CRACR2A: variants seen among roughly 807,000 people sequenced by gnomAD.
CRACR2A encodes the protein calcium release activated channel regulator 2A, also known as EF-hand calcium-binding domain-containing protein 4B.
In CRACR2A, 79 loss-of-function variants were observed where a neutral mutation model predicts 90.5. That is an observed-to-expected ratio of 0.87 (90% CI 0.73 to 1.05). The LOEUF (loss-of-function observed/expected upper bound fraction) is 1.05. Among genes scored for constraint, CRACR2A ranks in the 50% least tolerant of loss-of-function variants. The pLI, the probability that CRACR2A is intolerant of heterozygous loss-of-function variation, is 0.00. For synonymous variants in CRACR2A, 338 were observed against 356.7 expected (o/e 0.95, Z 0.59); for missense variants, 823 against 897.2 (o/e 0.92, Z 1.06).
chr12:3,694,125 C>T lies in CRACR2A; in HGVS notation c.228+2647G>A, dbSNP rs150817269. Among the ~76,000 whole-genome samples the T allele has an allele frequency of 5.3e-3, 813 of 152,312 alleles. 6 individuals carry two copies. Among genetic ancestry groups the T allele is most frequent in the Non-Finnish European group, 8.3e-3 (568 of 68,026 alleles). On this transcript the variant is annotated intron_variant, in intron 4 of 19. Transcript: ENST00000440314. ...CCTTTCAGCCCAGATTCTGTGTCTT[C>T]CCTCCAACCACTCTCAGTGTCTTCC...
chr12:3,679,074 T>C lies in CRACR2A; in HGVS notation c.365A>G (p.Asn122Ser). 6.2e-7 allele frequency: 1 copy of C among 1,613,016 alleles called. No homozygotes were observed. Among genetic ancestry groups the C allele is most frequent in the Non-Finnish European group, 8.5e-7 (1 of 1,179,568 alleles). ...GFSHFFFSQN[N>S]PSQEDAGEQV... ...TTCACCTGCATCTTCCTGACTTGGGTTATTCTGGCTGAAGAAGAAGTGACC... is the reference window on the plus strand; with the variant it reads ...TTCACCTGCATCTTCCTGACTTGGGCTATTCTGGCTGAAGAAGAAGTGACC... The change falls in exon 6 of 20, where the codon AAC (asparagine) becomes AGC (serine). Residue 122 changes from asparagine to serine, a missense_variant. Coordinates refer to ENST00000440314, the MANE Select transcript of CRACR2A (RefSeq NM_001144958.2).
At chr12:3,688,981 T>C (rs1261815387) in intron 4 of CRACR2A, among the ~76,000 whole-genome samples, 1 of 152,204 alleles carries the variant, frequency 6.6e-6, no homozygotes, top group African/African-American at 2.4e-5. Context: ...TGGGAATATC[T>C]TCCTGATTTG....
intron 17 of CRACR2A, among the ~76,000 whole-genome samples, chr12:3,625,974 C>G (rs138049814): frequency 5.1e-4 from 77 of 152,348 alleles, no homozygotes; most frequent in African/African-American, 1.6e-3. Flanking sequence ...AAAGGAATTA[C>G]TGCTGGATTC....
intron 3 of CRACR2A, among the ~76,000 whole-genome samples, chr12:3,708,187 G>A (rs1243007705): frequency 6.6e-6 from 1 of 152,182 alleles, no homozygotes; most frequent in African/African-American, 2.4e-5. Flanking sequence ...AGAAGTGCCT[G>A]GAAGTTTCCC....
chr12:3,631,374 G>A (rs961338689), intron 15 of CRACR2A, among the ~76,000 whole-genome samples: 2 of 152,148 alleles, frequency 1.3e-5, no homozygotes, highest in African/African-American at 4.8e-5. Flanking sequence ...GGAGAGGCAG[G>A]CCACATGCAC....
chr12:3,655,752 G>A (rs1437377297), intron 9 of CRACR2A, among the ~76,000 whole-genome samples: 1 of 152,324 alleles, frequency 6.6e-6, no homozygotes, highest in East Asian at 1.9e-4. Context: ...GGAGGCTCGG[G>A]TACATCAGAG....
At chr12:3,637,014 G>A (rs1221701249) in intron 14 of CRACR2A, among the ~76,000 whole-genome samples, 1 of 152,218 alleles carries the variant, frequency 6.6e-6, no homozygotes, top group Non-Finnish European at 1.5e-5. Context: ...GCAGGATGAG[G>A]GCTCGAGGGG....
At chr12:3,643,071 G>A (rs1944603164) in intron 12 of CRACR2A, among the ~76,000 whole-genome samples, 1 of 152,178 alleles carries the variant, frequency 6.6e-6, no homozygotes, top group Non-Finnish European at 1.5e-5. Flanking sequence ...GAAGGGATTC[G>A]GGTGACATTT....
intron 14 of CRACR2A, among the ~76,000 whole-genome samples, chr12:3,635,860 T>C (rs1944445374): frequency 6.6e-6 from 1 of 152,232 alleles, no homozygotes; most frequent in Admixed American, 6.5e-5. Flanking sequence ...TACCAATTCA[T>C]ATCTTGATGC....
intron 14 of CRACR2A, among the ~76,000 whole-genome samples, chr12:3,634,366 G>A (rs1456639401): frequency 1.3e-5 from 2 of 152,140 alleles, no homozygotes; most frequent in Admixed American, 6.5e-5. Context: ...ACTGAGGCAC[G>A]AGGGTCTCCA....
chr12:3,679,120 G>A, intron 5 of CRACR2A, 22 bp from the exon 6 acceptor site: 1 of 1,601,854 alleles, frequency 6.2e-7, no homozygotes, highest in South Asian at 1.1e-5. Context: ...AGGGCACAAG[G>A]ATCCGAATTA....
chr12:3,628,920 G>T (rs138008158), intron 15 of CRACR2A, among the ~76,000 whole-genome samples: 1 of 152,216 alleles, frequency 6.6e-6, no homozygotes, highest in African/African-American at 2.4e-5. Context: ...GTGAGGAGAC[G>T]TGGGAGGACC....
At chr12:3,652,943 C>T (rs900539579) in intron 10 of CRACR2A, among the ~76,000 whole-genome samples, 5 of 152,116 alleles carry the variant, frequency 3.3e-5, no homozygotes, top group Admixed American at 2.0e-4. Flanking sequence ...CTCTGAACCT[C>T]AGTTTCCTCC....
At chr12:3,618,773 C>T (rs1004445477) in intron 18 of CRACR2A, among the ~76,000 whole-genome samples, 1 of 152,140 alleles carries the variant, frequency 6.6e-6, no homozygotes, top group Non-Finnish European at 1.5e-5. Context: ...GAGCAAGGGG[C>T]TCCATGCTTT....
At chr12:3,619,591 G>A (rs1191142459) in intron 17 of CRACR2A, among the ~76,000 whole-genome samples, 1 of 98,964 alleles carries the variant, frequency 1.0e-5, no homozygotes, top group East Asian at 3.2e-4. Context: ...GCCTGCCTGT[G>A]GTGTCTCCTA....
chr12:3,665,404 CT>C (rs1452356486), intron 7 of CRACR2A, among the ~76,000 whole-genome samples: 1 of 152,186 alleles, frequency 6.6e-6, no homozygotes, highest in East Asian at 1.9e-4. Context: ...CATTTACAAA[CT>C]TTCTGGCCTT....
At position 3,627,829 on chromosome 12, in the gene CRACR2A, C is replaced by T. The variant is rs1030521473; in HGVS notation, c.1736-123G>A. 6 of 1,017,810 alleles carry T rather than the reference C, an allele frequency of 5.9e-6. No homozygotes were observed. In the African/African-American group the frequency reaches 8.0e-5, roughly 14 times the overall value. 63.0% of individuals were successfully genotyped at this position (1,017,810 alleles called of 1,614,324 possible). A position where few individuals can be genotyped will look rare whatever the true frequency, so the allele number is the denominator to read the frequency against. ...GCCCAAGGTGACAACCCTCCATGTGCAGCTCGTGGGAGGCAAAATGGAGAA... is the reference window on the plus strand; with the variant it reads ...GCCCAAGGTGACAACCCTCCATGTGTAGCTCGTGGGAGGCAAAATGGAGAA... On this transcript the variant is annotated intron_variant, in intron 15 of 19. Coordinates refer to ENST00000440314, the MANE Select transcript of CRACR2A (RefSeq NM_001144958.2).
Position 3,633,918 on chromosome 12 carries a change from T to C in CRACR2A, c.1603-182A>G, listed in dbSNP as rs1202509229. On this transcript the variant is annotated intron_variant, in intron 14 of 19. Coordinates refer to ENST00000440314, the MANE Select transcript of CRACR2A (RefSeq NM_001144958.2). The surrounding 1 kb of genome is among the most constrained non-coding windows in gnomAD (Gnocchi z 4.5). ...AGTGAGCATAGTCGGTCTTGGGGCA[T>C]GGAGGCTTTTTCCAGCATCCGCAGG... is the stretch of plus-strand genomic sequence containing the variant. Among the ~76,000 whole-genome samples the C allele has an allele frequency of 1.3e-5, 2 of 152,266 alleles. No individual in the cohort carries two copies. Among genetic ancestry groups the C allele is most frequent in the Admixed American group, 6.5e-5 (1 of 15,292 alleles).
chr12:3,651,649 T>C (rs1193420040), intron 10 of CRACR2A, among the ~76,000 whole-genome samples: 1 of 152,178 alleles, frequency 6.6e-6, no homozygotes, highest in Non-Finnish European at 1.5e-5. Context: ...GAATTCTTGC[T>C]GATCAGTGAC....
Sources: allele counts gnomAD v4.1 joint callset (sites outside exome capture counted in the v4.1 genomes callset), GRCh38; gene constraint gnomAD v4.1.1; non-coding constraint Gnocchi (gnomAD v3.1); transcripts MANE v1.5; gene names NCBI Gene and HGNC (gene_info 2026-07-23, HGNC 2026-07-21).